The following PKHD1 variants were observed in gnomAD, a reference collection of about 807,000 sequenced individuals.
The protein encoded by PKHD1 is PKHD1 ciliary IPT domain containing fibrocystin/polyductin.
In PKHD1, 291 loss-of-function variants were observed where a neutral mutation model predicts 412.0. That is an observed-to-expected ratio of 0.71 (90% CI 0.64 to 0.78). The LOEUF is 0.78. Among genes scored for constraint, PKHD1 ranks in the 30% least tolerant of loss-of-function variants. The pLI, the probability that PKHD1 is intolerant of heterozygous loss-of-function variation, is 0.00. For missense variants in PKHD1, 4,825 were observed against 4,950.7 expected (o/e 0.97, Z 0.76); for synonymous variants, 1,777 against 1,821.5 (o/e 0.98, Z 0.62).
At chr6:51,623,393 A>T (rs570973940) in intron 66 of PKHD1, among the ~76,000 whole-genome samples, 229 of 151,670 alleles carry the variant, frequency 1.5e-3, no homozygotes, top group African/African-American at 5.3e-3. Flanking sequence ...ACATTTCTTT[A>T]TTTTTTTTCT....
chr6:51,931,838 G>C (rs1481462688), intron 37 of PKHD1, among the ~76,000 whole-genome samples: 1 of 151,020 alleles, frequency 6.6e-6, no homozygotes, highest in East Asian at 2.1e-4. Flanking sequence ...AGAGAGAGGA[G>C]GGAGAAGGAG....
intron 52 of PKHD1, among the ~76,000 whole-genome samples, chr6:51,830,363 G>A: frequency 6.6e-6 from 1 of 152,218 alleles, no homozygotes; most frequent in South Asian, 2.1e-4. Context: ...CAGATGAATA[G>A]ATACATAGAT....
At chr6:51,793,871 T>C (rs1794144995) in intron 52 of PKHD1, among the ~76,000 whole-genome samples, 1 of 152,156 alleles carries the variant, frequency 6.6e-6, no homozygotes, top group South Asian at 2.1e-4. Flanking sequence ...TGGTTTCTAT[T>C]CCTTTGGTTG....
chr6:51,922,646 T>C (rs1226807225), intron 37 of PKHD1, among the ~76,000 whole-genome samples: 4 of 152,234 alleles, frequency 2.6e-5, no homozygotes, highest in African/African-American at 7.2e-5. Flanking sequence ...GCCTCAGCAA[T>C]GGCGGATGCC....
At chr6:52,016,501 T>C (rs1188557713) in intron 34 of PKHD1, among the ~76,000 whole-genome samples, 1 of 151,816 alleles carries the variant, frequency 6.6e-6, no homozygotes, top group Non-Finnish European at 1.5e-5. Context: ...CTGGGCGTGG[T>C]GGTATATACC....
intron 60 of PKHD1, among the ~76,000 whole-genome samples, chr6:51,710,957 G>C (rs927512542): frequency 6.6e-6 from 1 of 152,126 alleles, no homozygotes; most frequent in African/African-American, 2.4e-5. Context: ...GGTACCTCTT[G>C]TGTGCTACTT....
intron 52 of PKHD1, among the ~76,000 whole-genome samples, chr6:51,821,745 C>T (rs1304559889): frequency 2.0e-5 from 3 of 152,184 alleles, no homozygotes; most frequent in East Asian, 1.9e-4. Flanking sequence ...GACGGAGTCT[C>T]GCTCTGTCAC....
At chr6:51,827,059 G>C (rs1304459315) in intron 52 of PKHD1, among the ~76,000 whole-genome samples, 1 of 152,078 alleles carries the variant, frequency 6.6e-6, no homozygotes, top group African/African-American at 2.4e-5. Context: ...AGGTTCAAAA[G>C]TATCACTTAA....
At chr6:51,866,944 A>T (rs540843001) in intron 48 of PKHD1, among the ~76,000 whole-genome samples, 65 of 152,248 alleles carry the variant, frequency 4.3e-4, no homozygotes, top group Non-Finnish European at 6.5e-4. Flanking sequence ...AAAATGAAAA[A>T]TTTCCAGACT....
intron 52 of PKHD1, among the ~76,000 whole-genome samples, chr6:51,812,926 A>C (rs184910619): frequency 9.8e-5 from 15 of 152,296 alleles, no homozygotes; most frequent in Admixed American, 6.5e-4. Context: ...GTTTTTAGAT[A>C]ATAATTTAAC....
At chr6:51,965,581 G>C (rs1273527290) in intron 35 of PKHD1, among the ~76,000 whole-genome samples, 1 of 151,782 alleles carries the variant, frequency 6.6e-6, no homozygotes, top group Non-Finnish European at 1.5e-5. Context: ...TTTCTCGGTG[G>C]TTATAAACCC....
chr6:51,870,737 G>C, intron 46 of PKHD1, 98 bp from the exon 47 acceptor site: 1 of 966,104 alleles, frequency 1.0e-6, no homozygotes, highest in Middle Eastern at 3.0e-4. Flanking sequence ...ATAAAAAAGC[G>C]AGCTATTGAC....
At chr6:51,884,663 T>C (rs1035992168) in intron 45 of PKHD1, among the ~76,000 whole-genome samples, 1 of 152,216 alleles carries the variant, frequency 6.6e-6, no homozygotes, top group Non-Finnish European at 1.5e-5. Context: ...TTTTCCTTCA[T>C]AGGTTTAGCA....
chr6:51,981,712 G>A (rs1388543911), intron 35 of PKHD1, among the ~76,000 whole-genome samples: 1 of 142,840 alleles, frequency 7.0e-6, no homozygotes, highest in Non-Finnish European at 1.6e-5. Context: ...CCAAAGTGCC[G>A]AGATTGCAGC....
intron 54 of PKHD1, among the ~76,000 whole-genome samples, chr6:51,774,402 G>A (rs1406727032): frequency 6.6e-6 from 1 of 152,002 alleles, no homozygotes; most frequent in Non-Finnish European, 1.5e-5. Context: ...GCAGGCATCT[G>A]TGGATAGTCC....
intron 60 of PKHD1, among the ~76,000 whole-genome samples, chr6:51,668,757 T>C (rs532965125): frequency 1.0e-3 from 154 of 151,962 alleles, no homozygotes; most frequent in African/African-American, 3.6e-3. Context: ...TAGCATGAAG[T>C]GTTGTTGAAT....
chr6:51,800,347 G>A (rs1347658185), intron 52 of PKHD1, among the ~76,000 whole-genome samples: 3 of 152,070 alleles, frequency 2.0e-5, no homozygotes, highest in African/African-American at 7.2e-5. Context: ...TAACAATAAG[G>A]AGAAACCCCT....
At chr6:51,720,589 T>G (rs1781787500) in intron 60 of PKHD1, among the ~76,000 whole-genome samples, 1 of 152,168 alleles carries the variant, frequency 6.6e-6, no homozygotes, top group Non-Finnish European at 1.5e-5. Flanking sequence ...AAGAGCCACC[T>G]GCCTTGACAA....
At chr6:51,898,322 C>A (rs1780507972) in intron 43 of PKHD1, among the ~76,000 whole-genome samples, 1 of 146,538 alleles carries the variant, frequency 6.8e-6, no homozygotes, top group Non-Finnish European at 1.5e-5. Context: ...ATCTCTCAGA[C>A]CACAGTGCAA....
Sources: allele counts gnomAD v4.1 joint callset (sites outside exome capture counted in the v4.1 genomes callset), GRCh38; gene constraint gnomAD v4.1.1; transcripts MANE v1.5; gene names NCBI Gene and HGNC (gene_info 2026-07-23, HGNC 2026-07-21).